Variants in PLA2R1 observed in about 807,000 individuals in gnomAD.
The protein encoded by PLA2R1 is phospholipase A2 receptor 1.
In PLA2R1, 158 loss-of-function variants were observed where a neutral mutation model predicts 195.9. The observed-to-expected ratio is 0.81, with a 90% CI of 0.71 to 0.92. The LOEUF (loss-of-function observed/expected upper bound fraction) is 0.92, where lower values mean the gene tolerates loss of function less well. Among genes scored for constraint, PLA2R1 ranks in the 40% least tolerant of loss-of-function variants. The probability of loss-of-function intolerance (pLI) is 0.00; values close to 1 mark genes in which losing one functional copy is unlikely to be tolerated. For synonymous variants in PLA2R1, 586 were observed against 598.2 expected (o/e 0.98, Z 0.30); for missense variants, 1,626 against 1,764.6 (o/e 0.92, Z 1.41).
At chr2:160,034,569 A>G (rs1049201292) in intron 3 of PLA2R1, among the ~76,000 whole-genome samples, 1 of 152,216 alleles carries the variant, frequency 6.6e-6, no homozygotes, top group Non-Finnish European at 1.5e-5. Context: ...TAGTTCAGCC[A>G]TACTCATCCA....
rs1687045602 is a variant in PLA2R1 at position 159,940,685 on chromosome 2, A to G, written c.*1093T>C. 6.6e-6 allele frequency: 1 copy of G among 152,144 alleles called. No individual in the cohort carries two copies. The highest frequency in any genetic ancestry group is 2.4e-5 in the African/African-American group (1 of 41,430). The allele number at this position is 152,144 out of a possible 1,614,324, so 9.4% of individuals were successfully genotyped here. ...ATAAAATCTGTAATTTTTTATTTAC[A>G]GACAGTATCATAATCATTATTTACC... On this transcript the variant is annotated 3_prime_UTR_variant, in exon 30 of 30. Coordinates refer to ENST00000283243, the MANE Select transcript of PLA2R1 (RefSeq NM_007366.5).
At chr2:159,975,626 A>G (rs1339454944) in intron 17 of PLA2R1, among the ~76,000 whole-genome samples, 3 of 152,042 alleles carry the variant, frequency 2.0e-5, no homozygotes, top group African/African-American at 7.2e-5. Flanking sequence ...GCATTTATCC[A>G]CTTATTTTTT....
At chr2:159,976,807 T>C in intron 15 of PLA2R1, 87 bp from the exon 16 acceptor site, 1 of 978,842 alleles carries the variant, frequency 1.0e-6, no homozygotes, top group South Asian at 1.3e-5. Context: ...CACACTATTT[T>C]GTCCTTCATC....
At chr2:160,042,452 C>A (rs1694580358) in intron 2 of PLA2R1, among the ~76,000 whole-genome samples, 1 of 152,102 alleles carries the variant, frequency 6.6e-6, no homozygotes, top group African/African-American at 2.4e-5. Flanking sequence ...GGTGAGCTGT[C>A]ACAGTAACAT....
chr2:159,938,457 G>A lies in PLA2R1; in HGVS notation c.*3321C>T, dbSNP rs1686932696. 6.6e-6 allele frequency: 1 copy of A among 152,238 alleles called. No homozygotes were observed. Among genetic ancestry groups the A allele is most frequent in the Non-Finnish European group, 1.5e-5 (1 of 68,070 alleles). 9.4% of individuals were successfully genotyped at this position (152,238 alleles called of 1,614,324 possible). On this transcript the variant is annotated 3_prime_UTR_variant, in exon 30 of 30. Coordinates refer to ENST00000283243, the MANE Select transcript of PLA2R1 (RefSeq NM_007366.5). Reference sequence around the variant, plus strand: ...AAAAGAGTAGCTAATGGTAGCTAATGGGATCTCACCACTGCAGGGGTGAAG... The same window carrying A: ...AAAAGAGTAGCTAATGGTAGCTAATAGGATCTCACCACTGCAGGGGTGAAG...
rs2125902904 is a variant in PLA2R1, at chr2:159,934,198, CTAAG to C, written c.*7576_*7579del. ...TTCTTCTCCAAGAACAAAATGGAAA[CTAAG>C]TGAGTTTTTCCCTGCTGTACCCTAT... On this transcript the variant is annotated 3_prime_UTR_variant, in exon 30 of 30. Transcript: ENST00000283243. 1 of 152,282 alleles carries C rather than the reference CTAAG, an allele frequency of 6.6e-6. No individual in the cohort carries two copies. The highest frequency in any genetic ancestry group is 1.5e-5 in the Non-Finnish European group (1 of 68,020). 9.4% of individuals were successfully genotyped at this position (152,282 alleles called of 1,614,324 possible). A position where few individuals can be genotyped will look rare whatever the true frequency, so the allele number is the denominator to read the frequency against.
chr2:160,057,623 T>G (rs947222694), intron 1 of PLA2R1, among the ~76,000 whole-genome samples: 5 of 152,248 alleles, frequency 3.3e-5, no homozygotes, highest in African/African-American at 9.6e-5. Flanking sequence ...CTCCTCTGCA[T>G]GCCTTCAGCA....
Position 159,967,620 on chromosome 2 carries a change from CT to C in PLA2R1, c.2822del (p.Lys941ArgfsTer5). 1 of 1,613,562 alleles carries C rather than the reference CT, an allele frequency of 6.2e-7. No individual in the cohort carries two copies. The highest frequency in any genetic ancestry group is 1.7e-5 in the Admixed American group (1 of 60,006). On this transcript the variant is annotated frameshift_variant, in exon 20 of 30. Transcript: ENST00000283243. LOFTEE classifies it high-confidence loss of function. ...VSMPSICKRK[K>X]VWLIEKKKDT... The stretch of plus-strand genomic sequence containing the variant: ...CTTTCTTTTTCTCTATGAGCCAAAC[CT>C]TTTTTCGCTTACAGATACTAGGCAT...
intron 20 of PLA2R1, 121 bp downstream of exon 20, chr2:159,967,418 A>G: frequency 1.4e-6 from 1 of 738,226 alleles, no homozygotes; most frequent in East Asian, 2.7e-5. Flanking sequence ...GTTGTGACAA[A>G]AAAATTCCAG....
intron 20 of PLA2R1, among the ~76,000 whole-genome samples, chr2:159,959,061 T>C (rs1171715781): frequency 6.6e-6 from 1 of 152,240 alleles, no homozygotes; most frequent in Admixed American, 6.5e-5. Flanking sequence ...TTTTGTCTTG[T>C]TTGCTTCACA....
At chr2:160,042,835 GTGTGTGTA>G (rs755065203) in intron 2 of PLA2R1, among the ~76,000 whole-genome samples, 33,828 of 126,410 alleles carry the variant, frequency 0.27, 5,492 homozygotes, top group Non-Finnish European at 0.37. Flanking sequence ...GTGTGTGTGT[GTGTGTGTA>G]TGTGTGAGAC....
rs1435345856 is a variant in PLA2R1 at position 159,937,715 on chromosome 2, A to G, written c.*4063T>C. 1 of 152,188 alleles carries G rather than the reference A, an allele frequency of 6.6e-6. No homozygotes were observed. Among genetic ancestry groups the G allele is most frequent in the Non-Finnish European group, 1.5e-5 (1 of 68,024 alleles). 9.4% of individuals were successfully genotyped at this position (152,188 alleles called of 1,614,324 possible). On this transcript the variant is annotated 3_prime_UTR_variant, in exon 30 of 30. Transcript: ENST00000283243. ...AGATAAATTTTCAAATGAAAGTAGCACTCCAGCTGTTCCACTGTATAATAC... is the reference window on the plus strand; with the variant it reads ...AGATAAATTTTCAAATGAAAGTAGCGCTCCAGCTGTTCCACTGTATAATAC...
intron 1 of PLA2R1, among the ~76,000 whole-genome samples, chr2:160,061,494 C>T (rs1559040442): frequency 6.6e-6 from 1 of 152,102 alleles, no homozygotes; most frequent in Non-Finnish European, 1.5e-5. Flanking sequence ...TGTTTTCAGG[C>T]GGGGTGCGGT....
chr2:159,998,671 T>C (rs1691394343), intron 11 of PLA2R1, among the ~76,000 whole-genome samples: 1 of 152,166 alleles, frequency 6.6e-6, no homozygotes, highest in Non-Finnish European at 1.5e-5. Context: ...TTACAACTCT[T>C]TTGCATGTAT....
At position 159,955,207 on chromosome 2, in the gene PLA2R1, T is replaced by C. The variant is rs892754951; in HGVS notation, c.3293A>G (p.Lys1098Arg). ...ACCCAAATATTTCTTACCTTGCATT[T>C]TTTCACAAACAAACCCATAGCCTTC... ...GKEGYGFVCE[K>R]MQDTSGHGVN... The change falls in exon 23 of 30, where the codon AAA (lysine) becomes AGA (arginine). Residue 1098 changes from lysine (K) to arginine (R), a missense_variant. Lys to Arg is a conservative substitution (Grantham distance 26). Coordinates refer to ENST00000283243, the MANE Select transcript of PLA2R1 (RefSeq NM_007366.5). 4 of 1,602,194 alleles carry C rather than the reference T, an allele frequency of 2.5e-6. No homozygotes were observed. Among genetic ancestry groups the C allele is most frequent in the Non-Finnish European group, 3.4e-6 (4 of 1,175,298 alleles).
rs572313740 is a variant in PLA2R1 at position 159,956,548 on chromosome 2, C to A, written c.2984G>T (p.Gly995Val). Residue 995 changes from glycine (G) to valine (V), a missense_variant, in exon 21 of 30, where the codon GGG becomes GTG. By Grantham distance (109) the Gly-to-Val change is moderately radical. Coordinates refer to ENST00000283243, the MANE Select transcript of PLA2R1 (RefSeq NM_007366.5). ...THAQHFCAEE[G>V]GTLVAIESEV... ...ACTTTCAATGGCGACCAGGGTCCCC[C>A]CTTCTTCAGCACAGAAATGTTGAGC... 3.1e-6 allele frequency: 5 copies of A among 1,613,426 alleles called. No homozygotes were observed. The South Asian group carries it at 4.4e-5, about 14-fold the overall frequency.
intron 1 of PLA2R1, among the ~76,000 whole-genome samples, chr2:160,060,364 T>C (rs530148664): frequency 8.5e-5 from 13 of 152,330 alleles, no homozygotes; most frequent in African/African-American, 2.6e-4. Flanking sequence ...ATGTCTCAGG[T>C]TCTTTTCAAT....
At chr2:160,019,215 A>G (rs975036486) in intron 8 of PLA2R1, among the ~76,000 whole-genome samples, 1 of 152,184 alleles carries the variant, frequency 6.6e-6, no homozygotes, top group African/African-American at 2.4e-5. Flanking sequence ...CTGATCCACA[A>G]TTTTCAAAGA....
the PLA2R1 span, among the ~76,000 whole-genome samples, chr2:159,926,901 C>G: frequency 6.6e-6 from 1 of 152,200 alleles, no homozygotes; most frequent in South Asian, 2.1e-4. Context: ...ACTGCGTCCC[C>G]GGTGGAGGAA....
Sources: allele counts gnomAD v4.1 joint callset (sites outside exome capture counted in the v4.1 genomes callset), GRCh38; gene constraint gnomAD v4.1.1; transcripts MANE v1.5; gene names NCBI Gene and HGNC (gene_info 2026-07-23, HGNC 2026-07-21).